The following CNTFR variants were observed in gnomAD, a reference collection of about 807,000 sequenced individuals.
CNTFR encodes the protein ciliary neurotrophic factor receptor, also known as ciliary neurotrophic factor receptor subunit alpha.
CNTFR carries 12 observed loss-of-function variants against 40.4 expected under a neutral mutation model. The observed-to-expected ratio is 0.30, with a 90% confidence interval of 0.19 to 0.48. CNTFR has a LOEUF of 0.48. Ranked by LOEUF, CNTFR falls within the 20% of genes least tolerant of loss-of-function variation. The pLI is 0.99. For missense variants in CNTFR, 414 were observed against 506.8 expected, an observed-to-expected ratio of 0.82 and a Z score of 1.76; for synonymous variants, 202 against 209.6, an observed-to-expected ratio of 0.96 and a Z score of 0.31.
rs1268366400 is a variant in CNTFR, at chr9:34,589,145, G to A, written c.-112+410C>T. Reference sequence around the variant, plus strand: ...CAACCGTCGGTTCGCATCCCCGGGCGCTTTGAAGTCCAGATTTCTGCCCGA... The same window carrying A: ...CAACCGTCGGTTCGCATCCCCGGGCACTTTGAAGTCCAGATTTCTGCCCGA... On this transcript the variant is annotated intron_variant, in intron 1 of 9. Transcript: ENST00000378980. The surrounding 1 kb of genome is among the most constrained non-coding windows in gnomAD (Gnocchi z 4.4). Among the ~76,000 whole-genome samples, 1 of 152,080 alleles carries A rather than the reference G, an allele frequency of 6.6e-6. No individual in the cohort carries two copies. Among genetic ancestry groups the A allele is most frequent in the African/African-American group, 2.4e-5 (1 of 41,412 alleles).
intron 7 of CNTFR, among the ~76,000 whole-genome samples, chr9:34,555,686 C>T (rs1487433381): frequency 6.6e-6 from 1 of 152,080 alleles, no homozygotes; most frequent in East Asian, 1.9e-4. Context: ...CCAGTCAGGG[C>T]CTAAACTCAC....
intron 4 of CNTFR, among the ~76,000 whole-genome samples, chr9:34,559,615 T>G (rs1310208503): frequency 1.3e-5 from 2 of 149,920 alleles, no homozygotes; most frequent in Non-Finnish European, 3.0e-5. Context: ...GAACTCTGCC[T>G]GGGGGTGGGG....
chr9:34,557,722 A>T lies in CNTFR; in HGVS notation c.438-30T>A. ...GGAGAGGTGAGACCCAGGCACTGTT[A>T]CGAACATCAAGGGTCAGGTGGGGCA... On this transcript the variant is annotated intron_variant, in intron 5 of 9. Coordinates refer to ENST00000378980, the MANE Select transcript of CNTFR (RefSeq NM_147164.3). This position sits in a 1 kb window ranked among gnomAD's most constrained non-coding sequence, Gnocchi z 4.2. 6.2e-7 allele frequency: 1 copy of T among 1,613,606 alleles called. No homozygotes were observed.
intron 7 of CNTFR, among the ~76,000 whole-genome samples, 162 bp downstream of exon 7, chr9:34,556,093 C>T (rs1481065679): frequency 1.3e-5 from 2 of 151,858 alleles, no homozygotes; most frequent in Admixed American, 1.3e-4. Context: ...ACACCTGCCT[C>T]AGCTCCATCC....
At position 34,584,358 on chromosome 9, in the gene CNTFR, A is replaced by G. The variant is rs1048483125; in HGVS notation, c.-111-3153T>C. Reference sequence around the variant, plus strand: ...GTGCATCTCTCACCTATGCTGCCTCAGTTTCCCCATATTCACACACTCTCC... The same window carrying G: ...GTGCATCTCTCACCTATGCTGCCTCGGTTTCCCCATATTCACACACTCTCC... On this transcript the variant is annotated intron_variant, in intron 1 of 9. Coordinates refer to ENST00000378980, the MANE Select transcript of CNTFR (RefSeq NM_147164.3). Among the ~76,000 whole-genome samples the G allele has an allele frequency of 2.0e-5, 3 of 152,220 alleles. 1 individual carries two copies. Among genetic ancestry groups the G allele is most frequent in the Admixed American group, 2.0e-4 (3 of 15,284 alleles).
intron 4 of CNTFR, among the ~76,000 whole-genome samples, chr9:34,558,235 C>T (rs191659531): frequency 5.3e-5 from 8 of 152,314 alleles, no homozygotes; most frequent in Admixed American, 2.6e-4. Context: ...AGGCAGGAAC[C>T]GTGGGGAGCA....
intron 1 of CNTFR, among the ~76,000 whole-genome samples, chr9:34,588,446 G>T (rs541552798): frequency 1.1e-4 from 16 of 152,196 alleles, no homozygotes; most frequent in Non-Finnish European, 1.9e-4. Context: ...CACCACCTCA[G>T]TGACCACAGC....
intron 3 of CNTFR, among the ~76,000 whole-genome samples, chr9:34,565,991 T>TC: frequency 6.6e-6 from 1 of 151,908 alleles, no homozygotes; most frequent in Non-Finnish European, 1.5e-5. Flanking sequence ...CGCTTACATC[T>TC]CCCCTCCAGA....
At position 34,557,697 on chromosome 9, in the gene CNTFR, GGA is replaced by G; in HGVS notation, c.438-7_438-6del. ...ACCATAATTTTGGAGCCATGCCTGG[GGA>G]GAGGTGAGACCCAGGCACTGTTACG... On this transcript the variant is annotated splice_region_variant and splice_polypyrimidine_tract_variant and intron_variant, in intron 5 of 9. Coordinates refer to ENST00000378980, the MANE Select transcript of CNTFR (RefSeq NM_147164.3). This position sits in a 1 kb window ranked among gnomAD's most constrained non-coding sequence, Gnocchi z 4.2. The G allele has an allele frequency of 6.2e-7, 1 of 1,614,138 alleles. No individual in the cohort carries two copies. Among genetic ancestry groups the G allele is most frequent in the South Asian group, 1.1e-5 (1 of 91,078 alleles).
intron 1 of CNTFR, among the ~76,000 whole-genome samples, chr9:34,585,582 G>A (rs999966261): frequency 2.6e-5 from 4 of 152,144 alleles, no homozygotes; most frequent in Non-Finnish European, 4.4e-5. Flanking sequence ...ACCCCCAACC[G>A]GGCACAGCTC....
rs756609270 is a variant in CNTFR at position 34,558,018 on chromosome 9, T to G, written c.320-34A>C. On this transcript the variant is annotated intron_variant, in intron 4 of 9. Coordinates refer to ENST00000378980, the MANE Select transcript of CNTFR (RefSeq NM_147164.3). ...GAGGACAGTATGGTCAGGGCATTCT[T>G]GGAGCTCCCAGTCCCCTGCACTGTA... is the stretch of plus-strand genomic sequence containing the variant. The G allele has an allele frequency of 1.2e-5, 18 of 1,457,090 alleles. 1 individual carries two copies. The highest frequency in any genetic ancestry group is 1.3e-5 in the Non-Finnish European group (14 of 1,080,116). The allele number at this position is 1,457,090 out of a possible 1,614,324, so 90.3% of individuals were successfully genotyped here.
At chr9:34,567,969 AAAG>A (rs1826384655) in intron 3 of CNTFR, 1 of 152,210 alleles carries the variant, frequency 6.6e-6, no homozygotes, top group South Asian at 2.1e-4. Context: ...ATGATCTCAT[AAAG>A]AAGAGGCCAT....
chr9:34,556,949 C>G (rs1209971464), intron 6 of CNTFR, among the ~76,000 whole-genome samples: 2 of 152,032 alleles, frequency 1.3e-5, no homozygotes, highest in Non-Finnish European at 2.9e-5. Context: ...CCTAAGGGCC[C>G]AGCTTATGTA....
intron 4 of CNTFR, among the ~76,000 whole-genome samples, chr9:34,563,827 G>A (rs1826168798): frequency 6.6e-6 from 1 of 151,938 alleles, no homozygotes; most frequent in South Asian, 2.1e-4. Flanking sequence ...CCTCTCTCCT[G>A]CATCCAGTAA....
chr9:34,575,848 C>T (rs1416579513), intron 2 of CNTFR, among the ~76,000 whole-genome samples: 1 of 152,210 alleles, frequency 6.6e-6, no homozygotes, highest in Non-Finnish European at 1.5e-5. Flanking sequence ...TGCCCCCTAA[C>T]GTGCATATGC....
intron 3 of CNTFR, among the ~76,000 whole-genome samples, chr9:34,568,578 C>A (rs1175052141): frequency 6.6e-6 from 1 of 152,140 alleles, no homozygotes; most frequent in Non-Finnish European, 1.5e-5. Context: ...TCCGAGAGAT[C>A]CCCTTTCACC....
intron 3 of CNTFR, among the ~76,000 whole-genome samples, chr9:34,565,522 C>T (rs899045325): frequency 6.6e-6 from 1 of 152,130 alleles, no homozygotes; most frequent in Non-Finnish European, 1.5e-5. Flanking sequence ...GAACTCCTGG[C>T]AGCTGTCAAG....
chr9:34,577,469 G>A (rs1298547948), intron 2 of CNTFR, among the ~76,000 whole-genome samples: 2 of 152,212 alleles, frequency 1.3e-5, no homozygotes, highest in African/African-American at 4.8e-5. Context: ...GGTGGTGGGA[G>A]CCAAATGAAA....
chr9:34,564,954 CTGTG>C, intron 3 of CNTFR, 122 bp from the exon 4 acceptor site: 1 of 764,260 alleles, frequency 1.3e-6, no homozygotes, highest in Non-Finnish European at 2.2e-6. Context: ...GGCTCGGTGT[CTGTG>C]TGAGTGTTTG....
Sources: allele counts gnomAD v4.1 joint callset (sites outside exome capture counted in the v4.1 genomes callset), GRCh38; gene constraint gnomAD v4.1.1; non-coding constraint Gnocchi (gnomAD v3.1); transcripts MANE v1.5; gene names NCBI Gene and HGNC (gene_info 2026-07-23, HGNC 2026-07-21).